SEC24A: variants seen among roughly 807,000 people sequenced by gnomAD.
SEC24A encodes the protein protein transport protein Sec24A.
A neutral mutation model predicts 129.4 loss-of-function variants in SEC24A; 93 were observed. The observed-to-expected ratio is 0.72, with a 90% CI of 0.61 to 0.85. The LOEUF is 0.85. Among genes scored for constraint, SEC24A ranks in the 40% least tolerant of loss-of-function variants. SEC24A has a pLI of 0.00. For synonymous variants in SEC24A, 460 were observed against 467.3 expected (o/e 0.98, Z 0.20); for missense variants, 1,264 against 1,307.4 (o/e 0.97, Z 0.51).
chr5:134,662,854 A>G (rs2150073402), intron 2 of SEC24A, among the ~76,000 whole-genome samples: 1 of 152,230 alleles, frequency 6.6e-6, no homozygotes, highest in East Asian at 1.9e-4. Context: ...GCACACATCA[A>G]TCACTTGAAT....
At chr5:134,666,724 T>A in intron 2 of SEC24A, 99 bp from the exon 3 acceptor site, 9 of 906,436 alleles carry the variant, frequency 9.9e-6, no homozygotes, top group Non-Finnish European at 1.4e-5. Context: ...TATTATAATT[T>A]AAATGTAAGT....
chr5:134,718,983 A>T (rs544885640), intron 20 of SEC24A, among the ~76,000 whole-genome samples: 4 of 151,762 alleles, frequency 2.6e-5, no homozygotes, highest in South Asian at 2.1e-4. Context: ...AAAAAAAAAA[A>T]TTTAAAATAG....
chr5:134,659,541 A>T lies in SEC24A; in HGVS notation c.98-1578A>T, dbSNP rs369630188. On this transcript the variant is annotated intron_variant, in intron 1 of 22. Transcript: ENST00000398844. ...GTGGGGAGGGATGTCAGAAAAAAAA[A>T]TTTTCATGTAATAGTTACTCACAAT... Among the ~76,000 whole-genome samples, 103 of 151,994 alleles carry T rather than the reference A, an allele frequency of 6.8e-4. 1 individual carries two copies. The Middle Eastern group carries it at 0.02, about 30-fold the overall frequency.
chr5:134,653,129 C>T (rs1365216551), intron 1 of SEC24A, among the ~76,000 whole-genome samples: 8 of 151,714 alleles, frequency 5.3e-5, no homozygotes, highest in African/African-American at 1.7e-4. Context: ...TTAGTGGAGA[C>T]GGGGTTTCAC....
At chr5:134,701,663 A>G (rs947361889) in intron 15 of SEC24A, among the ~76,000 whole-genome samples, 3 of 152,022 alleles carry the variant, frequency 2.0e-5, no homozygotes, top group Non-Finnish European at 4.4e-5. Flanking sequence ...GGCACGTGCT[A>G]CCATGCCCAG....
At chr5:134,674,114 C>T (rs1266357805) in intron 4 of SEC24A, among the ~76,000 whole-genome samples, 1 of 151,818 alleles carries the variant, frequency 6.6e-6, no homozygotes, top group Non-Finnish European at 1.5e-5. Context: ...GCCTGGGCGA[C>T]AGAGTGAGAC....
intron 12 of SEC24A, 98 bp downstream of exon 12, chr5:134,692,755 A>G (rs577206245): frequency 1.2e-6 from 1 of 823,942 alleles, no homozygotes; most frequent in East Asian, 2.4e-5. Context: ...TTTCTGTGAC[A>G]TTTCTAAGAT....
intron 11 of SEC24A, among the ~76,000 whole-genome samples, chr5:134,689,794 A>G (rs922089626): frequency 3.9e-5 from 6 of 151,920 alleles, no homozygotes; most frequent in African/African-American, 1.2e-4. Context: ...ATAATGGAAT[A>G]TTTATTATTC....
At chr5:134,648,685 G>A (rs1236198307), upstream of SEC24A, 1 of 156,986 alleles carries the variant, frequency 6.4e-6, no homozygotes, top group Non-Finnish European at 1.4e-5. Context: ...CAGCCCGGCT[G>A]GCAGAGAAGA....
intron 20 of SEC24A, among the ~76,000 whole-genome samples, chr5:134,719,245 A>T (rs1272803153): frequency 6.6e-6 from 1 of 151,922 alleles, no homozygotes; most frequent in Admixed American, 6.6e-5. Context: ...AGCCAGACAT[A>T]GTGGCTCCAG....
intron 15 of SEC24A, 104 bp downstream of exon 15, chr5:134,698,161 G>A: frequency 1.0e-6 from 1 of 970,764 alleles, no homozygotes; most frequent in East Asian, 2.5e-5. Flanking sequence ...GAGATACTTT[G>A]CCTACTCTGG....
chr5:134,666,838 C>A lies in SEC24A; in HGVS notation c.581C>A (p.Pro194His). The part of the protein sequence containing the change: ...SFIKSGPSVP[P>H]LVNPPLPTTF... ...GTTTCCATAGGTCCTTCTGTACCTC[C>A]CTTAGTGAATCCACCTCTGCCTACA... is the stretch of plus-strand genomic sequence containing the variant. The change falls in exon 3 of 23, where the codon CCC becomes CAC. Residue 194 changes from proline (P) to histidine (H), a missense_variant. Transcript: ENST00000398844. The A allele has an allele frequency of 6.2e-7, 1 of 1,614,026 alleles. No individual in the cohort carries two copies. Among genetic ancestry groups the A allele is most frequent in the African/African-American group, 1.3e-5 (1 of 74,992 alleles).
chr5:134,709,011 G>A, intron 18 of SEC24A, 123 bp downstream of exon 18: 1 of 891,168 alleles, frequency 1.1e-6, no homozygotes, highest in East Asian at 2.5e-5. Flanking sequence ...TTTGAGACCA[G>A]CCTGGGCAAT....
rs746410046 is a variant in SEC24A at position 134,715,107 on chromosome 5, C to G, written c.2811C>G (p.Tyr937Ter). Residue 937 changes from tyrosine to a stop codon, truncating the protein, a stop_gained, in exon 19 of 23, where the codon TAC (tyrosine) becomes TAG (stop). Transcript: ENST00000398844. LOFTEE classifies it high-confidence loss of function. ...AAGTGAAAAACCAGCCCTTGGTTTACCTTATGCTCACAACTCATCCCAGTT... is the reference window on the plus strand; with the variant it reads ...AAGTGAAAAACCAGCCCTTGGTTTAGCTTATGCTCACAACTCATCCCAGTT... The part of the protein sequence containing the change: ...MCQVKNQPLV[Y>*]LMLTTHPSLY... 1 of 1,611,402 alleles carries G rather than the reference C, an allele frequency of 6.2e-7. No homozygotes were observed.
chr5:134,702,347 G>C (rs1426763589), intron 15 of SEC24A, among the ~76,000 whole-genome samples: 1 of 151,946 alleles, frequency 6.6e-6, no homozygotes, highest in Non-Finnish European at 1.5e-5. Context: ...TTTTTAAGTT[G>C]GTTTTTATTT....
chr5:134,722,695 T>C (rs975509905), intron 21 of SEC24A, among the ~76,000 whole-genome samples: 4 of 152,220 alleles, frequency 2.6e-5, no homozygotes, highest in African/African-American at 9.6e-5. Flanking sequence ...GTTTGCCTAC[T>C]CCTGTTCTAG....
At chr5:134,685,350 A>T (rs548542482) in intron 9 of SEC24A, among the ~76,000 whole-genome samples, 2 of 151,584 alleles carry the variant, frequency 1.3e-5, no homozygotes, top group African/African-American at 2.4e-5. Flanking sequence ...TGAGTGACAG[A>T]GCAACACCTT....
intron 15 of SEC24A, among the ~76,000 whole-genome samples, chr5:134,702,251 G>A (rs1752027133): frequency 6.6e-6 from 1 of 152,112 alleles, no homozygotes; most frequent in South Asian, 2.1e-4. Flanking sequence ...TTGGGCTTAA[G>A]CAATCTTCCT....
chr5:134,683,700 A>T (rs560823212), intron 9 of SEC24A, among the ~76,000 whole-genome samples: 36 of 152,168 alleles, frequency 2.4e-4, no homozygotes, highest in Non-Finnish European at 4.8e-4. Flanking sequence ...AGTTTTTTAG[A>T]GACAGAGTCT....
Sources: gnomAD v4.1 joint callset for allele counts (sites outside exome capture counted in the v4.1 genomes callset) on GRCh38, gnomAD v4.1.1 for gene constraint, MANE v1.5 for transcripts, NCBI Gene and HGNC (gene_info 2026-07-23, HGNC 2026-07-21) for gene names.